The following COL19A1 variants were observed in gnomAD, a reference collection of about 807,000 sequenced individuals.
COL19A1 encodes the protein collagen alpha-1(XIX) chain.
A neutral mutation model predicts 190.2 loss-of-function variants in COL19A1; 159 were observed. The observed-to-expected ratio is 0.84, with a 90% confidence interval of 0.73 to 0.95. The LOEUF (loss-of-function observed/expected upper bound fraction) is 0.95. Ranked by LOEUF, COL19A1 falls within the 40% of genes least tolerant of loss-of-function variation. The pLI is 0.00. For synonymous variants in COL19A1, 509 were observed against 458.9 expected (o/e 1.11, Z -1.39); for missense variants, 1,418 against 1,431.9 (o/e 0.99, Z 0.16).
chr6:69,930,110 T>C (rs1323461490), intron 6 of COL19A1, among the ~76,000 whole-genome samples: 1 of 152,238 alleles, frequency 6.6e-6, no homozygotes, highest in East Asian at 1.9e-4. Context: ...AACAATAGAC[T>C]ATTCATCCTT....
chr6:70,189,139 TTTTTTA>T (rs1562257487), intron 47 of COL19A1, among the ~76,000 whole-genome samples: 1 of 152,226 alleles, frequency 6.6e-6, no homozygotes, highest in Non-Finnish European at 1.5e-5. Context: ...ATATTGGATT[TTTTTTA>T]TTTTTATTTT....
At chr6:69,960,200 C>A (rs1281771090) in intron 10 of COL19A1, among the ~76,000 whole-genome samples, 160 bp downstream of exon 10, 1 of 152,172 alleles carries the variant, frequency 6.6e-6, no homozygotes, top group East Asian at 1.9e-4. Flanking sequence ...TGGAAGCAAT[C>A]CCCTCTTGAA....
At chr6:69,970,744 C>T (rs968563457) in intron 11 of COL19A1, among the ~76,000 whole-genome samples, 8 of 152,124 alleles carry the variant, frequency 5.3e-5, no homozygotes, top group Admixed American at 5.2e-4. Flanking sequence ...CAATTGTTTC[C>T]TTTACCCTAG....
intron 14 of COL19A1, among the ~76,000 whole-genome samples, chr6:70,046,116 A>G (rs1373446397): frequency 2.0e-5 from 3 of 152,356 alleles, no homozygotes; most frequent in Admixed American, 6.5e-5. Context: ...TCCTGTAAAC[A>G]TAAGTGAGTT....
chr6:70,106,245 A>G (rs984394782), intron 16 of COL19A1, among the ~76,000 whole-genome samples: 13 of 152,052 alleles, frequency 8.5e-5, no homozygotes, highest in Admixed American at 2.0e-4. Flanking sequence ...CCAAATTAGT[A>G]TATTCTCAGT....
intron 40 of COL19A1, among the ~76,000 whole-genome samples, chr6:70,169,881 G>A (rs994516491): frequency 6.6e-6 from 1 of 152,008 alleles, no homozygotes; most frequent in Non-Finnish European, 1.5e-5. Context: ...GACTTTTTGG[G>A]AACATTCTTT....
At chr6:70,067,874 A>C (rs1188209581) in intron 14 of COL19A1, among the ~76,000 whole-genome samples, 1 of 151,942 alleles carries the variant, frequency 6.6e-6, no homozygotes, top group African/African-American at 2.4e-5. Context: ...GGACTTTGTT[A>C]TGATCTGAAA....
intron 14 of COL19A1, among the ~76,000 whole-genome samples, chr6:70,049,998 T>C (rs771678144): frequency 3.9e-5 from 6 of 152,096 alleles, no homozygotes; most frequent in African/African-American, 1.4e-4. Context: ...ATTAACTGAT[T>C]TTAACAAACC....
intron 11 of COL19A1, among the ~76,000 whole-genome samples, chr6:69,995,820 C>T (rs1458726703): frequency 6.6e-6 from 1 of 152,060 alleles, no homozygotes; most frequent in African/African-American, 2.4e-5. Flanking sequence ...TTGAGATAAG[C>T]TGATTTTATA....
At chr6:70,173,291 T>C (rs1462724295) in intron 41 of COL19A1, among the ~76,000 whole-genome samples, 2 of 152,164 alleles carry the variant, frequency 1.3e-5, no homozygotes, top group Non-Finnish European at 2.9e-5. Context: ...GTTCTAAGCA[T>C]AGAGATGCTG....
chr6:70,016,911 G>A (rs529582895), intron 11 of COL19A1, among the ~76,000 whole-genome samples: 1 of 152,148 alleles, frequency 6.6e-6, no homozygotes, highest in Non-Finnish European at 1.5e-5. Flanking sequence ...ACTGCTGATG[G>A]GAATGTAAAA....
chr6:69,899,466 G>A (rs1160074970), intron 3 of COL19A1, among the ~76,000 whole-genome samples: 1 of 151,922 alleles, frequency 6.6e-6, no homozygotes, highest in Non-Finnish European at 1.5e-5. Flanking sequence ...AAAAATTTAA[G>A]GTAGATGATG....
At chr6:70,122,273 T>A (rs1784929455) in intron 17 of COL19A1, among the ~76,000 whole-genome samples, 2 of 152,152 alleles carry the variant, frequency 1.3e-5, no homozygotes, top group African/African-American at 4.8e-5. Context: ...ACTTTGAAGC[T>A]CTGGGTAGCA....
chr6:70,083,868 G>A (rs993699920), intron 15 of COL19A1, among the ~76,000 whole-genome samples: 2 of 152,080 alleles, frequency 1.3e-5, no homozygotes, highest in Admixed American at 6.6e-5. Context: ...TTCTGCTGGA[G>A]TCCATATGCA....
In COL19A1 at chr6:70,000,762, G is replaced by T. The variant is rs149231564; in HGVS notation, c.1027-22865G>T. Among the ~76,000 whole-genome samples, 1,265 of 152,138 alleles carry T rather than the reference G, an allele frequency of 8.3e-3. 22 individuals carry two copies. Among genetic ancestry groups the T allele is most frequent in the African/African-American group, 0.029 (1,186 of 41,516 alleles). ...TTGTTTAAGTTCATTGTAAATTCTG[G>T]ATATTAGACCTTTGTCACATGGGTA... On this transcript the variant is annotated intron_variant, in intron 11 of 50. Transcript: ENST00000620364.
chr6:70,023,774 C>A, intron 12 of COL19A1, 94 bp downstream of exon 12: 1 of 1,107,302 alleles, frequency 9.0e-7, no homozygotes, highest in Non-Finnish European at 1.3e-6. Context: ...TTTGGCAGAG[C>A]CAGCCAGCCA....
chr6:70,150,042 C>T lies in COL19A1; in HGVS notation c.2034C>T (p.Asp678=), dbSNP rs368150553. 5.6e-6 allele frequency: 9 copies of T among 1,613,536 alleles called. No individual in the cohort carries two copies. The African/African-American group carries it at 9.4e-5, about 17-fold the overall frequency. ...CAGGCCTGCCAGGCCCCCCAGGTGA[C>T]CCGGTATGTAGACAAACCTTGTCTG... ...GKPGLPGPPG[D]PIALPLLGDI... Residue 678 remains aspartate (D), a synonymous_variant, in exon 30 of 51, where the codon GAC becomes GAT. Coordinates refer to ENST00000620364, the MANE Select transcript of COL19A1 (RefSeq NM_001858.6).
At chr6:69,879,912 T>G in intron 2 of COL19A1, 1 of 497,676 alleles carries the variant, frequency 2.0e-6, no homozygotes, top group Non-Finnish European at 3.5e-6. Context: ...TATACATACA[T>G]GCATGTGTGC....
At position 69,934,552 on chromosome 6, in the gene COL19A1, A is replaced by G. The variant is rs562290346; in HGVS notation, c.747+1689A>G. ...TGATTTATGAGGAAATTGTTTAAGA[A>G]GTATAGGTGATGAATTGGGTGGAAT... On this transcript the variant is annotated intron_variant, in intron 7 of 50. Coordinates refer to ENST00000620364, the MANE Select transcript of COL19A1 (RefSeq NM_001858.6). Among the ~76,000 whole-genome samples, 3 of 152,066 alleles carry G rather than the reference A, an allele frequency of 2.0e-5. No homozygotes were observed. In the East Asian group the frequency reaches 5.8e-4, roughly 29 times the overall value.
Sources: gnomAD v4.1 joint callset for allele counts (sites outside exome capture counted in the v4.1 genomes callset) on GRCh38, gnomAD v4.1.1 for gene constraint, MANE v1.5 for transcripts, NCBI Gene and HGNC (gene_info 2026-07-23, HGNC 2026-07-21) for gene names.